The following RNLS variants were observed in gnomAD, a reference collection of about 807,000 sequenced individuals.
RNLS encodes renalase, FAD dependent amine oxidase, also known as renalase.
RNLS carries 39 observed loss-of-function variants against 39.8 expected under a neutral mutation model. The ratio of observed to expected loss-of-function variants is 0.98; its 90% confidence interval spans 0.76 to 1.28. The LOEUF is 1.28. Among genes scored for constraint, RNLS ranks in the 50% most tolerant of loss-of-function variants. The pLI, the probability that RNLS is intolerant of heterozygous loss-of-function variation, is 0.00. For missense variants in RNLS, 410 were observed against 413.3 expected, an observed-to-expected ratio of 0.99 and a Z score of 0.07; for synonymous variants, 147 against 150.7, an observed-to-expected ratio of 0.98 and a Z score of 0.18.
the RNLS span, among the ~76,000 whole-genome samples, chr10:88,255,157 A>G: frequency 2.0e-5 from 3 of 152,342 alleles, no homozygotes; most frequent in African/African-American, 7.2e-5. Flanking sequence ...ACATGTCTGC[A>G]TGATCCAGCC....
chr10:88,565,606 T>C (rs770682124), intron 4 of RNLS, among the ~76,000 whole-genome samples: 2 of 152,026 alleles, frequency 1.3e-5, no homozygotes, highest in African/African-American at 2.4e-5. Flanking sequence ...CAGTCAAATA[T>C]ACCAAGTCAA....
the RNLS span, among the ~76,000 whole-genome samples, chr10:88,233,302 C>T: frequency 2.0e-5 from 3 of 152,150 alleles, no homozygotes; most frequent in Non-Finnish European, 4.4e-5. Context: ...AGCAGTTTGC[C>T]ACAGGCTGCT....
chr10:88,416,799 C>T (rs536234560), intron 4 of RNLS, among the ~76,000 whole-genome samples: 3 of 152,228 alleles, frequency 2.0e-5, no homozygotes, highest in African/African-American at 7.2e-5. Context: ...TACAAATATC[C>T]TATTGTCTTT....
the RNLS span, among the ~76,000 whole-genome samples, chr10:88,216,863 C>T: frequency 2.0e-5 from 3 of 152,340 alleles, no homozygotes; most frequent in African/African-American, 2.4e-5. Flanking sequence ...CTCCACGATG[C>T]TGCAGTCCCT....
intron 4 of RNLS, among the ~76,000 whole-genome samples, chr10:88,402,801 C>A (rs1461201871): frequency 6.6e-6 from 1 of 151,880 alleles, no homozygotes; most frequent in African/African-American, 2.4e-5. Flanking sequence ...CAAGCAGTTA[C>A]GAATGAGATA....
chr10:88,500,576 G>A (rs746044978), intron 4 of RNLS, among the ~76,000 whole-genome samples: 9 of 152,056 alleles, frequency 5.9e-5, no homozygotes, highest in Non-Finnish European at 1.3e-4. Flanking sequence ...TTTTAAAACT[G>A]CAGATACAAA....
chr10:88,571,906 C>A (rs1397425736), intron 4 of RNLS, among the ~76,000 whole-genome samples: 1 of 152,212 alleles, frequency 6.6e-6, no homozygotes, highest in African/African-American at 2.4e-5. Context: ...CTATCCCCAG[C>A]ATTTCTGGCA....
intron 4 of RNLS, among the ~76,000 whole-genome samples, chr10:88,403,658 G>T (rs1853078516): frequency 6.6e-6 from 1 of 151,644 alleles, no homozygotes; most frequent in Non-Finnish European, 1.5e-5. Context: ...ACAATTTAGT[G>T]GGAAGGACCC....
intron 4 of RNLS, among the ~76,000 whole-genome samples, chr10:88,479,494 A>C (rs143483191): frequency 1.3e-3 from 205 of 152,324 alleles, no homozygotes; most frequent in African/African-American, 4.7e-3. Flanking sequence ...GTTAAATAAG[A>C]CAACCCATGT....
rs1477950992 is a variant in RNLS at position 88,583,232 on chromosome 10, G to T, written c.-42C>A. ...GATCCGCGCTGAGTCTCTGCGGCGG[G>T]GCCGTTCGGCCCGGGCTTTCTGGAA... On this transcript the variant is annotated 5_prime_UTR_variant, in exon 1 of 7. Transcript: ENST00000331772. The T allele has an allele frequency of 1.2e-6, 2 of 1,608,560 alleles. No homozygotes were observed. The highest frequency in any genetic ancestry group is 1.3e-5 in the African/African-American group (1 of 74,802).
chr10:88,295,959 T>C (rs536555093), intron 6 of RNLS, among the ~76,000 whole-genome samples: 6 of 152,300 alleles, frequency 3.9e-5, no homozygotes, highest in African/African-American at 7.2e-5. Context: ...TCTAGAACTA[T>C]TGAAGTAATA....
chr10:88,288,762 C>G (rs1843461545), intron 6 of RNLS, among the ~76,000 whole-genome samples: 1 of 152,152 alleles, frequency 6.6e-6, no homozygotes. Context: ...AGCCAGTCGG[C>G]AGTTTGGATG....
At chr10:88,523,458 C>A (rs537110716) in intron 4 of RNLS, among the ~76,000 whole-genome samples, 3 of 152,228 alleles carry the variant, frequency 2.0e-5, no homozygotes, top group South Asian at 2.1e-4. Context: ...TAAAGCAATA[C>A]AACTAGATGG....
chr10:88,524,041 G>A (rs993589892), intron 4 of RNLS, among the ~76,000 whole-genome samples: 1 of 151,924 alleles, frequency 6.6e-6, no homozygotes, highest in African/African-American at 2.4e-5. Context: ...GTTTGGCTTT[G>A]GCCCTTGTTT....
chr10:88,229,535 A>G, the RNLS span, among the ~76,000 whole-genome samples: 1 of 152,250 alleles, frequency 6.6e-6, no homozygotes, highest in Non-Finnish European at 1.5e-5. Context: ...ATATTATGTA[A>G]GTCACCTATT....
intron 5 of RNLS, among the ~76,000 whole-genome samples, chr10:88,318,838 G>A (rs1395077200): frequency 6.6e-6 from 1 of 152,152 alleles, no homozygotes; most frequent in East Asian, 1.9e-4. Context: ...ATGAGGAGCT[G>A]GTGCACTTCC....
In RNLS at chr10:88,495,774, C is replaced by T. The variant is rs552531386; in HGVS notation, c.526+77129G>A. ...GTTTGGGTTTAGCTAGGGCAAAGCC[C>T]AAGTGACAAGGAATCCGTGGTTAAA... On this transcript the variant is annotated intron_variant, in intron 4 of 6. Transcript: ENST00000331772. 2.6e-5 allele frequency among the ~76,000 whole-genome samples: 4 copies of T among 152,102 alleles called. No individual in the cohort carries two copies. In the East Asian group the frequency reaches 5.8e-4, roughly 22 times the overall value.
chr10:88,236,779 T>A, the RNLS span, among the ~76,000 whole-genome samples: 2 of 152,180 alleles, frequency 1.3e-5, no homozygotes, highest in East Asian at 3.9e-4. Context: ...AATGATGAAA[T>A]GAGATGATGC....
At chr10:88,203,356 ACG>A in the RNLS span, among the ~76,000 whole-genome samples, 470 of 9,476 alleles carry the variant, frequency 0.05, 81 homozygotes, top group African/African-American at 0.15. Flanking sequence ...GTATATATAT[ACG>A]TATGTGTGTG....
Sources: allele counts gnomAD v4.1 joint callset (sites outside exome capture counted in the v4.1 genomes callset), GRCh38; gene constraint gnomAD v4.1.1; transcripts MANE v1.5; gene names NCBI Gene and HGNC (gene_info 2026-07-23, HGNC 2026-07-21).